The following MBNL1 variants were observed in gnomAD, a reference collection of about 807,000 sequenced individuals.
MBNL1 encodes the protein muscleblind like splicing regulator 1, also known as muscleblind-like protein 1.
MBNL1 carries 8 observed loss-of-function variants against 42.2 expected under a neutral mutation model. That is an observed-to-expected ratio of 0.19 (90% CI 0.11 to 0.34). MBNL1 has a LOEUF of 0.34. MBNL1 is among the 10% of genes least tolerant of loss of function. The pLI is 1.00. For synonymous variants in MBNL1, 169 were observed against 173.9 expected, an observed-to-expected ratio of 0.97 and a Z score of 0.22; for missense variants, 309 against 495.3, an observed-to-expected ratio of 0.62 and a Z score of 3.57.
chr3:152,269,693 T>C (rs762968430), intron 1 of MBNL1: 4 of 271,816 alleles, frequency 1.5e-5, no homozygotes, highest in African/African-American at 2.3e-5. Flanking sequence ...GAAGACGCCC[T>C]GTAGGAGAGG....
At chr3:152,329,687 CTTATATA>C (rs1448829323) in intron 2 of MBNL1, among the ~76,000 whole-genome samples, 1 of 142,126 alleles carries the variant, frequency 7.0e-6, no homozygotes, top group Non-Finnish European at 1.5e-5. Flanking sequence ...ATATATATAT[CTTATATA>C]TTATATATAT....
rs753615521 is a variant in MBNL1 at position 152,300,339 on chromosome 3, G to T, written c.146G>T (p.Arg49Leu). 1 of 1,613,936 alleles carries T rather than the reference G, an allele frequency of 6.2e-7. No individual in the cohort carries two copies. Among genetic ancestry groups the T allele is most frequent in the African/African-American group, 1.3e-5 (1 of 75,024 alleles). ...PSKSCQVENG[R>L]VIACFDSLKG... The stretch of plus-strand genomic sequence containing the variant: ...AAAAGCTGCCAAGTTGAAAATGGAC[G>T]AGTAATCGCCTGCTTTGATTCATTG... Residue 49 changes from arginine to leucine, a missense_variant, in exon 2 of 10, where the codon CGA becomes CTA. Arg to Leu is a moderately radical substitution (Grantham distance 102, BLOSUM62 -2). Transcript: ENST00000324210.
At chr3:152,411,073 G>A (rs1452578881) in intron 2 of MBNL1, among the ~76,000 whole-genome samples, 1 of 152,168 alleles carries the variant, frequency 6.6e-6, no homozygotes, top group Non-Finnish European at 1.5e-5. Context: ...AGATGTTATT[G>A]TTACTATTAT....
At chr3:152,407,085 T>C (rs943343868) in intron 2 of MBNL1, among the ~76,000 whole-genome samples, 7 of 108,156 alleles carry the variant, frequency 6.5e-5, no homozygotes, top group African/African-American at 2.3e-4. Context: ...GTGTGAACTT[T>C]TCACAGGACC....
intron 3 of MBNL1, among the ~76,000 whole-genome samples, chr3:152,428,597 G>A (rs2098966694): frequency 6.6e-6 from 1 of 152,182 alleles, no homozygotes; most frequent in Admixed American, 6.5e-5. Context: ...AAGGGAACAT[G>A]TATCCTTAGA....
At chr3:152,258,526 G>A (rs2035771899) in intron 2 of MBNL1, among the ~76,000 whole-genome samples, 1 of 152,178 alleles carries the variant, frequency 6.6e-6, no homozygotes, top group Admixed American at 6.5e-5. Context: ...AGGGGGAGGT[G>A]GGTATGCCCT....
chr3:152,348,487 T>C (rs1159694119), intron 2 of MBNL1, among the ~76,000 whole-genome samples: 1 of 152,170 alleles, frequency 6.6e-6, no homozygotes, highest in Non-Finnish European at 1.5e-5. Context: ...ATTCCTCATT[T>C]TCTCTTGTGG....
At chr3:152,258,154 T>C (rs2035709016) in intron 2 of MBNL1, among the ~76,000 whole-genome samples, 1 of 152,202 alleles carries the variant, frequency 6.6e-6, no homozygotes, top group Non-Finnish European at 1.5e-5. Context: ...TCCTCATATT[T>C]TGAAGAGACT....
intron 2 of MBNL1, among the ~76,000 whole-genome samples, chr3:152,321,057 T>TC (rs571191453): frequency 1.1e-4 from 17 of 152,108 alleles, no homozygotes; most frequent in Admixed American, 2.6e-4. Context: ...ATTTTTTCTC[T>TC]CCAACAATTA....
At chr3:152,270,006 A>T (rs887134873) in intron 1 of MBNL1, among the ~76,000 whole-genome samples, 4 of 149,106 alleles carry the variant, frequency 2.7e-5, no homozygotes, top group Non-Finnish European at 5.9e-5. Flanking sequence ...CTGTAACACG[A>T]GCAGGTATAT....
At chr3:152,300,478 A>C in intron 2 of MBNL1, 111 bp downstream of exon 2, 1 of 925,762 alleles carries the variant, frequency 1.1e-6, no homozygotes, top group Non-Finnish European at 1.6e-6. Context: ...TAGTTTAGTT[A>C]TACAGTGTGT....
chr3:152,398,113 GA>G (rs1362729957), intron 2 of MBNL1, among the ~76,000 whole-genome samples: 2 of 152,080 alleles, frequency 1.3e-5, no homozygotes, highest in African/African-American at 4.8e-5. Context: ...AATGAAATTT[GA>G]AATTATTTTA....
chr3:152,373,112 C>A (rs564624313), intron 2 of MBNL1, among the ~76,000 whole-genome samples: 2 of 152,232 alleles, frequency 1.3e-5, no homozygotes, highest in African/African-American at 4.8e-5. Context: ...GGGAAAACCA[C>A]CTACTCAAGC....
At position 152,300,516 on chromosome 3, in the gene MBNL1, G is replaced by A. The variant is rs1478355215; in HGVS notation, c.174+149G>A. 6 of 583,298 alleles carry A rather than the reference G, an allele frequency of 1.0e-5. No homozygotes were observed. The Admixed American group carries it at 1.5e-4, about 15-fold the overall frequency. The allele number at this position is 583,298 out of a possible 1,614,324, so 36.1% of individuals were successfully genotyped here. A position where few individuals can be genotyped will look rare whatever the true frequency, so the allele number is the denominator to read the frequency against. ...ATGATGTTGGGCTGGGGAACTTTAC[G>A]AGAAGCAGTAGAATCAAGTCTGGCC... is the stretch of plus-strand genomic sequence containing the variant. On this transcript the variant is annotated intron_variant, in intron 2 of 9. Coordinates refer to ENST00000324210, the MANE Select transcript of MBNL1 (RefSeq NM_021038.5).
intron 2 of MBNL1, among the ~76,000 whole-genome samples, chr3:152,301,212 CAT>C (rs2060595062): frequency 1.3e-5 from 2 of 152,062 alleles, no homozygotes; most frequent in African/African-American, 4.8e-5. Flanking sequence ...ATTCAGGTAT[CAT>C]ATTTGAAAAT....
At chr3:152,435,994 G>A (rs536347462) in intron 4 of MBNL1, among the ~76,000 whole-genome samples, 2 of 152,178 alleles carry the variant, frequency 1.3e-5, no homozygotes, top group Admixed American at 6.5e-5. Context: ...TGCAAACAGG[G>A]ATAATTTGAC....
At chr3:152,456,073 C>T (rs562503202) in intron 7 of MBNL1, among the ~76,000 whole-genome samples, 194 bp from the exon 8 acceptor site, 2 of 151,744 alleles carry the variant, frequency 1.3e-5, no homozygotes, top group Admixed American at 1.3e-4. Context: ...CTCTTTCATC[C>T]CTCCTCCCCT....
intron 2 of MBNL1, among the ~76,000 whole-genome samples, chr3:152,404,704 G>GTATA (rs1298704676): frequency 2.0e-5 from 3 of 150,340 alleles, no homozygotes; most frequent in African/African-American, 7.3e-5. Flanking sequence ...ATATATGTAT[G>GTATA]TATATATACA....
At chr3:152,388,419 A>G (rs547348655) in intron 2 of MBNL1, among the ~76,000 whole-genome samples, 123 of 152,326 alleles carry the variant, frequency 8.1e-4, no homozygotes, top group Middle Eastern at 3.4e-3. Flanking sequence ...AGTATAATAA[A>G]TGTCAGTAGT....
Sources: gnomAD v4.1 joint callset for allele counts (sites outside exome capture counted in the v4.1 genomes callset) on GRCh38, gnomAD v4.1.1 for gene constraint, MANE v1.5 for transcripts, NCBI Gene and HGNC (gene_info 2026-07-23, HGNC 2026-07-21) for gene names.